The following MAP2K6 variants were observed in gnomAD, a reference collection of about 807,000 sequenced individuals.
The protein encoded by MAP2K6 is mitogen-activated protein kinase kinase 6.
Under a neutral mutation model 53.7 loss-of-function variants are expected in MAP2K6, and 16 were observed. That is an observed-to-expected ratio of 0.30 (90% CI 0.20 to 0.45). The LOEUF is 0.45. MAP2K6 is among the 20% of genes least tolerant of loss of function. The pLI is 1.00. For synonymous variants in MAP2K6, 132 were observed against 143.1 expected (o/e 0.92, Z 0.55); for missense variants, 204 against 411.9 (o/e 0.50, Z 4.37).
In MAP2K6 at chr17:69,519,301, A is replaced by G. The variant is rs1910343926; in HGVS notation, c.247-12A>G. On this transcript the variant is annotated splice_polypyrimidine_tract_variant and intron_variant, in intron 4 of 11. Coordinates refer to ENST00000590474, the MANE Select transcript of MAP2K6 (RefSeq NM_002758.4). ...AGTAGTAACCATAAATTTTCCATGCATTTCCATTCAGCGGATCCGAGCCAC... is the reference window on the plus strand; with the variant it reads ...AGTAGTAACCATAAATTTTCCATGCGTTTCCATTCAGCGGATCCGAGCCAC... The G allele has an allele frequency of 1.2e-6, 2 of 1,611,948 alleles. No individual in the cohort carries two copies. The highest frequency in any genetic ancestry group is 1.6e-4 in the Middle Eastern group (1 of 6,062).
intron 1 of MAP2K6, among the ~76,000 whole-genome samples, chr17:69,504,132 A>G: frequency 6.8e-6 from 1 of 146,678 alleles, no homozygotes; most frequent in East Asian, 2.0e-4. Flanking sequence ...TTTGGATGTT[A>G]TTTTTCTGCA....
At chr17:69,523,427 A>G in intron 7 of MAP2K6, 87 bp from the exon 8 acceptor site, 1 of 1,556,574 alleles carries the variant, frequency 6.4e-7, no homozygotes. Context: ...ATGAAGGACA[A>G]ATGGAGATTT....
At chr17:69,495,300 G>A (rs538259057) in intron 1 of MAP2K6, among the ~76,000 whole-genome samples, 4 of 151,450 alleles carry the variant, frequency 2.6e-5, no homozygotes, top group South Asian at 2.1e-4. Flanking sequence ...GTGCAGTGGC[G>A]AGACTTCGGC....
In MAP2K6 at chr17:69,541,884, C is replaced by T; in HGVS notation, c.*131C>T. ...CCTGCCTCTCAGAGGGTTTTCTCTC[C>T]CAATTTTCTTTTTACTCCCCCTCTT... On this transcript the variant is annotated 3_prime_UTR_variant, in exon 12 of 12. Coordinates refer to ENST00000590474, the MANE Select transcript of MAP2K6 (RefSeq NM_002758.4). The T allele has an allele frequency of 3.1e-6, 2 of 642,526 alleles. No homozygotes were observed. The allele number at this position is 642,526 out of a possible 1,614,324, so 39.8% of individuals were successfully genotyped here. A position where few individuals can be genotyped will look rare whatever the true frequency, so the allele number is the denominator to read the frequency against.
intron 1 of MAP2K6, among the ~76,000 whole-genome samples, chr17:69,447,901 C>A (rs563974173): frequency 6.6e-6 from 1 of 152,104 alleles, no homozygotes; most frequent in Non-Finnish European, 1.5e-5. Flanking sequence ...GGGCTGAGTC[C>A]AGGGGAGTGC....
At chr17:69,502,422 G>A (rs1390712295) in intron 1 of MAP2K6, 1 of 985,278 alleles carries the variant, frequency 1.0e-6, no homozygotes, top group Admixed American at 6.2e-5. Flanking sequence ...GGGCAAGTAA[G>A]CGAACTGCAG....
At chr17:69,429,965 C>G (rs1420939528) in intron 1 of MAP2K6, among the ~76,000 whole-genome samples, 1 of 152,114 alleles carries the variant, frequency 6.6e-6, no homozygotes, top group Admixed American at 6.5e-5. Flanking sequence ...AACAAAAGAA[C>G]AGGTGAGCAG....
Position 69,495,257 on chromosome 17 carries a change from A to C in MAP2K6, c.17-10523A>C, listed in dbSNP as rs141064976. Reference sequence around the variant, plus strand: ...TTTTCTTTTATTTATTTTTTTTTTGAGCTGGAGTCTCGCTCTTGTCGCCCA... The same window carrying C: ...TTTTCTTTTATTTATTTTTTTTTTGCGCTGGAGTCTCGCTCTTGTCGCCCA... On this transcript the variant is annotated intron_variant, in intron 1 of 11. Transcript: ENST00000590474. 4.3e-3 allele frequency among the ~76,000 whole-genome samples: 646 copies of C among 148,604 alleles called. 2 individuals carry two copies. The highest frequency in any genetic ancestry group is 0.016 in the African/African-American group (624 of 40,178).
intron 1 of MAP2K6, among the ~76,000 whole-genome samples, chr17:69,432,755 G>A (rs1207072327): frequency 1.3e-5 from 2 of 149,920 alleles, no homozygotes; most frequent in African/African-American, 2.5e-5. Flanking sequence ...CATTGCACAC[G>A]TTTACCTATG....
In MAP2K6 at chr17:69,493,307, T is replaced by TTGTGTG. The variant is rs3216905; in HGVS notation, c.17-12457_17-12452dup. 7.2e-3 allele frequency among the ~76,000 whole-genome samples: 1,086 copies of TTGTGTG among 150,458 alleles called. 5 individuals are homozygous for TTGTGTG. Among genetic ancestry groups the TTGTGTG allele is most frequent in the African/African-American group, 0.011 (434 of 41,082 alleles). On this transcript the variant is annotated intron_variant, in intron 1 of 11. Coordinates refer to ENST00000590474, the MANE Select transcript of MAP2K6 (RefSeq NM_002758.4). ...AAAGGAAAAAAAACAGTGTATGTGTTTGTGTGTGTGTGTGTGTGTGTTGCA... is the reference window on the plus strand; with the variant it reads ...AAAGGAAAAAAAACAGTGTATGTGTTTGTGTGTGTGTGTGTGTGTGTGTGTGTTGCA...
intron 1 of MAP2K6, among the ~76,000 whole-genome samples, chr17:69,504,040 C>T (rs1461151008): frequency 2.0e-5 from 3 of 152,166 alleles, no homozygotes; most frequent in African/African-American, 7.2e-5. Flanking sequence ...AAAGAACTCC[C>T]ACCTGGGTGT....
At chr17:69,449,310 T>C (rs1907088158) in intron 1 of MAP2K6, among the ~76,000 whole-genome samples, 1 of 151,744 alleles carries the variant, frequency 6.6e-6, no homozygotes, top group African/African-American at 2.4e-5. Context: ...AAACTATACA[T>C]AGATAGTTAA....
At chr17:69,487,211 A>G (rs1270146577) in intron 1 of MAP2K6, among the ~76,000 whole-genome samples, 1 of 152,228 alleles carries the variant, frequency 6.6e-6, no homozygotes, top group Non-Finnish European at 1.5e-5. Context: ...GCTAGTGGAA[A>G]CAGACTTGTG....
chr17:69,467,817 T>C (rs1008762812), intron 1 of MAP2K6, among the ~76,000 whole-genome samples: 6 of 152,108 alleles, frequency 3.9e-5, no homozygotes, highest in Admixed American at 6.6e-5. Flanking sequence ...TCACTCAGGC[T>C]GGAGTGCAGT....
At chr17:69,533,573 C>G (rs1228033442) in intron 10 of MAP2K6, among the ~76,000 whole-genome samples, 3 of 152,130 alleles carry the variant, frequency 2.0e-5, no homozygotes, top group Non-Finnish European at 2.9e-5. Flanking sequence ...TAAATAGAGA[C>G]AGCCAGAATC....
In MAP2K6 at chr17:69,545,334, T is replaced by A. The variant is rs1911835665; in HGVS notation, c.*3581T>A. The A allele has an allele frequency of 6.6e-6, 1 of 152,232 alleles. No homozygotes were observed. Among genetic ancestry groups the A allele is most frequent in the Admixed American group, 6.5e-5 (1 of 15,290 alleles). 9.4% of individuals were successfully genotyped at this position (152,232 alleles called of 1,614,324 possible). On this transcript the variant is annotated 3_prime_UTR_variant, in exon 12 of 12. Coordinates refer to ENST00000590474, the MANE Select transcript of MAP2K6 (RefSeq NM_002758.4). ...TTGCAAGTGAAAGTCACCTATCTTC[T>A]ATGATTGAAGGTCCTGATGTGGGGG...
intron 1 of MAP2K6, chr17:69,434,561 G>T (rs768672794): frequency 6.6e-6 from 1 of 152,196 alleles, no homozygotes; most frequent in Non-Finnish European, 1.5e-5. Context: ...AAACAGGAGA[G>T]TGCTCCAGGG....
At chr17:69,445,714 A>G (rs1191433224) in intron 1 of MAP2K6, among the ~76,000 whole-genome samples, 1 of 152,136 alleles carries the variant, frequency 6.6e-6, no homozygotes, top group Admixed American at 6.5e-5. Flanking sequence ...TTGGGTAACA[A>G]TGAATTGTTT....
intron 1 of MAP2K6, among the ~76,000 whole-genome samples, chr17:69,488,313 A>G (rs1336294209): frequency 6.6e-6 from 1 of 152,226 alleles, no homozygotes; most frequent in African/African-American, 2.4e-5. Flanking sequence ...ATGCTTATAC[A>G]TTATTAGTGG....
Sources: gnomAD v4.1 joint callset for allele counts (sites outside exome capture counted in the v4.1 genomes callset) on GRCh38, gnomAD v4.1.1 for gene constraint, MANE v1.5 for transcripts, NCBI Gene and HGNC (gene_info 2026-07-23, HGNC 2026-07-21) for gene names.